The following PVT1 variants were observed in gnomAD, a reference collection of about 807,000 sequenced individuals.
The protein encoded by PVT1 is CXCR4/PVT1 fusion.
chr8:127,951,083 A>C (rs1816500190), intron 3 of PVT1, among the ~76,000 whole-genome samples: 1 of 152,012 alleles, frequency 6.6e-6, no homozygotes, highest in Non-Finnish European at 1.5e-5. Flanking sequence ...TTCTTAGTAG[A>C]GATGGGGTTT....
intron 6 of PVT1, chr8:128,101,100 C>T (rs1814498307): frequency 6.6e-6 from 1 of 152,304 alleles, no homozygotes; most frequent in South Asian, 2.1e-4. Flanking sequence ...CCCAACCACT[C>T]AGCAGCAAGC....
chr8:127,938,931 C>G (rs1374410092), intron 3 of PVT1, among the ~76,000 whole-genome samples: 3 of 152,212 alleles, frequency 2.0e-5, no homozygotes, highest in Non-Finnish European at 4.4e-5. Flanking sequence ...GCATCATGCC[C>G]ATTTCATAGA....
intron 5 of PVT1, among the ~76,000 whole-genome samples, chr8:128,078,065 T>C (rs1419174962): frequency 2.0e-5 from 3 of 152,218 alleles, no homozygotes; most frequent in Non-Finnish European, 4.4e-5. Context: ...CATCCAGGCT[T>C]GCTGGTGGAG....
In PVT1 at chr8:127,957,402, A is replaced by G. The variant is rs1030381598; in HGVS notation, n.783-31760A>G. On this transcript the variant is annotated intron_variant and non_coding_transcript_variant, in intron 3 of 10. Coordinates refer to ENST00000651587, the Ensembl canonical transcript of PVT1. ...GCCAACATGGTGAAACCCCATCTCT[A>G]TTAAAAACACAAAAATTAGCTGAGT... is the stretch of plus-strand genomic sequence containing the variant. Among the ~76,000 whole-genome samples the G allele has an allele frequency of 1.4e-4, 21 of 152,174 alleles. 1 individual carries two copies. The highest frequency in any genetic ancestry group is 3.4e-3 in the Middle Eastern group (1 of 294).
intron 4 of PVT1, among the ~76,000 whole-genome samples, chr8:127,995,286 C>G (rs867361980): frequency 6.6e-6 from 1 of 152,310 alleles, no homozygotes; most frequent in South Asian, 2.1e-4. Flanking sequence ...TTTATCTAAG[C>G]TAAGCCCAAT....
chr8:127,797,477 C>T lies in PVT1; in HGVS notation n.372+1406C>T, dbSNP rs149687612. On this transcript the variant is annotated intron_variant and non_coding_transcript_variant, in intron 2 of 10. Transcript: ENST00000651587. ...GAGCAACAATCTGGAATCATTTGGA[C>T]CATTGAGTCCTGTGGACAGTCACTT... Among the ~76,000 whole-genome samples the T allele has an allele frequency of 4.5e-3, 683 of 152,240 alleles. 7 individuals are homozygous for T. The highest frequency in any genetic ancestry group is 0.016 in the African/African-American group (653 of 41,526).
intron 4 of PVT1, among the ~76,000 whole-genome samples, chr8:128,001,712 CA>C (rs982729452): frequency 2.6e-5 from 4 of 152,276 alleles, no homozygotes; most frequent in South Asian, 4.1e-4. Flanking sequence ...TTACAAACAA[CA>C]AAAATTTATT....
intron 3 of PVT1, among the ~76,000 whole-genome samples, chr8:127,963,738 G>A (rs566840558): frequency 2.0e-5 from 3 of 152,226 alleles, no homozygotes; most frequent in African/African-American, 7.2e-5. Context: ...ATGATGTTTG[G>A]GGAGGAAGCT....
intron 4 of PVT1, among the ~76,000 whole-genome samples, chr8:128,037,857 G>A (rs999418504): frequency 6.6e-6 from 1 of 152,214 alleles, no homozygotes; most frequent in Non-Finnish European, 1.5e-5. Flanking sequence ...CACCCTTGAT[G>A]AAGAACCACT....
At chr8:128,017,184 G>A (rs1321858479) in intron 4 of PVT1, among the ~76,000 whole-genome samples, 2 of 152,132 alleles carry the variant, frequency 1.3e-5, no homozygotes, top group East Asian at 1.9e-4. Context: ...CTCAAATCCC[G>A]ACATTTCTAA....
chr8:127,842,111 T>C (rs1303754410), intron 2 of PVT1, among the ~76,000 whole-genome samples: 1 of 151,460 alleles, frequency 6.6e-6, no homozygotes. Context: ...TTTTAAAAGT[T>C]GTATGGCCCA....
intron 3 of PVT1, among the ~76,000 whole-genome samples, chr8:127,930,907 G>A (rs1816198020): frequency 6.6e-6 from 1 of 152,220 alleles, no homozygotes; most frequent in Admixed American, 6.5e-5. Flanking sequence ...TATTGATGGG[G>A]TTTTTGTTGT....
chr8:127,865,471 C>T (rs941102273), intron 2 of PVT1, among the ~76,000 whole-genome samples: 3 of 152,160 alleles, frequency 2.0e-5, no homozygotes, highest in Admixed American at 6.5e-5. Context: ...CCAGAGGGCC[C>T]AGTCTCATCA....
intron 4 of PVT1, among the ~76,000 whole-genome samples, chr8:128,021,390 T>C (rs1817434482): frequency 7.0e-6 from 1 of 143,436 alleles, no homozygotes; most frequent in South Asian, 2.3e-4. Flanking sequence ...GCCTCCTGGG[T>C]TCACGCCATT....
At chr8:127,926,057 ACT>A (rs1307124210) in intron 3 of PVT1, among the ~76,000 whole-genome samples, 1 of 151,596 alleles carries the variant, frequency 6.6e-6, no homozygotes, top group Non-Finnish European at 1.5e-5. Context: ...AAAAGGTGGG[ACT>A]CTCTGCAGTC....
At chr8:127,867,528 G>GA in intron 2 of PVT1, among the ~76,000 whole-genome samples, 1 of 152,330 alleles carries the variant, frequency 6.6e-6, no homozygotes, top group East Asian at 1.9e-4. Flanking sequence ...GGGCTCTGCT[G>GA]AACCAGCACT....
intron 4 of PVT1, among the ~76,000 whole-genome samples, chr8:128,033,506 A>C (rs1207385938): frequency 6.6e-6 from 1 of 152,224 alleles, no homozygotes; most frequent in Non-Finnish European, 1.5e-5. Flanking sequence ...GGCTTTCCAC[A>C]AGCTTCTCCC....
At chr8:127,889,031 TCTTTCTTTCTTCCTTCCTTCCTTC>T (rs1563631114) in intron 2 of PVT1, among the ~76,000 whole-genome samples, 1 of 60,972 alleles carries the variant, frequency 1.6e-5, no homozygotes. Context: ...TTCCTTTCTC[TCTTTCTTTCTTCCTTCCTTCCTTC>T]CTTCCTTCCT....
intron 6 of PVT1, among the ~76,000 whole-genome samples, chr8:128,097,134 G>T (rs1025976275): frequency 3.9e-5 from 6 of 152,228 alleles, no homozygotes; most frequent in Non-Finnish European, 7.3e-5. Context: ...GCCAAGGCGG[G>T]TGGATCACTT....
Sources: gnomAD v4.1 joint callset for allele counts (sites outside exome capture counted in the v4.1 genomes callset) on GRCh38, gnomAD v4.1.1 for gene constraint, MANE v1.5 for transcripts, NCBI Gene and HGNC (gene_info 2026-07-23, HGNC 2026-07-21) for gene names.